CPQ: variants seen among roughly 807,000 people sequenced by gnomAD.
CPQ encodes carboxypeptidase Q, also known as Ser-Met dipeptidase.
CPQ carries 37 observed loss-of-function variants against 45.7 expected under a neutral mutation model. That is an observed-to-expected ratio of 0.81 (90% CI 0.62 to 1.07). The LOEUF is 1.07. Among genes scored for constraint, CPQ ranks in the 50% least tolerant of loss-of-function variants. The pLI is 0.00. For synonymous variants in CPQ, 186 were observed against 205.8 expected (o/e 0.90, Z 0.82); for missense variants, 537 against 572.9 (o/e 0.94, Z 0.64).
chr8:96,707,748 A>C (rs1251840573), intron 1 of CPQ, among the ~76,000 whole-genome samples: 1 of 152,050 alleles, frequency 6.6e-6, no homozygotes, highest in Non-Finnish European at 1.5e-5. Context: ...TCTGGGAGTC[A>C]GAAGTCCAAA....
chr8:97,032,036 C>T (rs780308995), intron 6 of CPQ, among the ~76,000 whole-genome samples: 1 of 152,104 alleles, frequency 6.6e-6, no homozygotes, highest in Non-Finnish European at 1.5e-5. Context: ...AAGTCACAAA[C>T]CACAAGGGTA....
intron 6 of CPQ, among the ~76,000 whole-genome samples, chr8:97,039,699 G>A (rs1027325962): frequency 6.7e-6 from 1 of 148,360 alleles, no homozygotes; most frequent in Non-Finnish European, 1.5e-5. Flanking sequence ...TGTTCTCATT[G>A]TTCAATTCCC....
intron 1 of CPQ, among the ~76,000 whole-genome samples, chr8:96,760,661 A>C (rs1446059931): frequency 6.6e-6 from 1 of 152,188 alleles, no homozygotes; most frequent in African/African-American, 2.4e-5. Context: ...AAGAGAACCC[A>C]AAGAGAAGAA....
intron 4 of CPQ, among the ~76,000 whole-genome samples, chr8:96,954,943 CT>C (rs1162218198): frequency 6.6e-6 from 1 of 152,136 alleles, no homozygotes; most frequent in African/African-American, 2.4e-5. Flanking sequence ...TTTTTTATGG[CT>C]GCATAGTATT....
chr8:97,071,841 A>G (rs1223880916), intron 7 of CPQ, among the ~76,000 whole-genome samples: 1 of 152,114 alleles, frequency 6.6e-6, no homozygotes, highest in Non-Finnish European at 1.5e-5. Context: ...TGGCCATTTG[A>G]CCACTTCAGG....
chr8:96,991,648 C>T (rs992764620), intron 5 of CPQ, among the ~76,000 whole-genome samples: 2 of 151,790 alleles, frequency 1.3e-5, no homozygotes, highest in African/African-American at 4.8e-5. Context: ...ACATTTCCTT[C>T]CCTGCTACAT....
At chr8:97,123,251 A>AAAAAT (rs1345950060) in intron 7 of CPQ, among the ~76,000 whole-genome samples, 7 of 144,786 alleles carry the variant, frequency 4.8e-5, no homozygotes, top group Non-Finnish European at 6.1e-5. Context: ...AAAATAAAAT[A>AAAAAT]AAAATAAAAT....
rs1161576263 is a variant in CPQ, at chr8:96,704,110, C to T, written c.-35+58708C>T. Among the ~76,000 whole-genome samples the T allele has an allele frequency of 4.6e-5, 7 of 152,094 alleles. No individual in the cohort carries two copies. In the South Asian group the frequency reaches 1.2e-3, roughly 27 times the overall value. On this transcript the variant is annotated intron_variant, in intron 1 of 7. Coordinates refer to ENST00000220763, the MANE Select transcript of CPQ (RefSeq NM_016134.4). ...TATAGCAGTAAGACAAAGCCCCTAC[C>T]CTTTGAAACTTATATTCCTTCAGGA... is the stretch of plus-strand genomic sequence containing the variant.
intron 2 of CPQ, among the ~76,000 whole-genome samples, chr8:96,803,296 G>A (rs1811032368): frequency 6.6e-6 from 1 of 152,158 alleles, no homozygotes; most frequent in South Asian, 2.1e-4. Context: ...CATTGGGGAG[G>A]GCCATTTGCT....
chr8:97,016,483 TAAAC>T (rs1224933059), intron 5 of CPQ, among the ~76,000 whole-genome samples: 1 of 152,190 alleles, frequency 6.6e-6, no homozygotes, highest in African/African-American at 2.4e-5. Context: ...GTCAATCAAA[TAAAC>T]AAACATTTAT....
At chr8:96,969,975 C>T (rs1813635213) in intron 5 of CPQ, among the ~76,000 whole-genome samples, 1 of 152,120 alleles carries the variant, frequency 6.6e-6, no homozygotes, top group African/African-American at 2.4e-5. Context: ...AGAATACAAC[C>T]ATGAAGACAG....
At chr8:97,114,200 A>G (rs540197129) in intron 7 of CPQ, among the ~76,000 whole-genome samples, 114 of 152,290 alleles carry the variant, frequency 7.5e-4, no homozygotes, top group African/African-American at 2.6e-3. Flanking sequence ...ATTATAGGAG[A>G]AGAGGAAACC....
intron 7 of CPQ, among the ~76,000 whole-genome samples, chr8:97,083,068 T>C (rs1387265625): frequency 6.6e-6 from 1 of 152,160 alleles, no homozygotes; most frequent in Non-Finnish European, 1.5e-5. Context: ...TTTTGACAAG[T>C]TACTTAACTT....
intron 2 of CPQ, among the ~76,000 whole-genome samples, chr8:96,802,704 G>C (rs1443434324): frequency 6.6e-6 from 1 of 152,128 alleles, no homozygotes; most frequent in Non-Finnish European, 1.5e-5. Context: ...TAAATGCATT[G>C]GATGTTCAAA....
intron 5 of CPQ, among the ~76,000 whole-genome samples, chr8:96,974,129 T>C (rs1188244334): frequency 1.3e-5 from 2 of 152,134 alleles, no homozygotes; most frequent in Non-Finnish European, 2.9e-5. Context: ...AGGAGACTAC[T>C]CTCACACATA....
In CPQ at chr8:96,862,963, G is replaced by A. The variant is rs376398523; in HGVS notation, c.642-16835G>A. The stretch of plus-strand genomic sequence containing the variant: ...ATATTGGAGGGATGAACTGGCAGGA[G>A]ACTGAGTCCCAAAGAACTTCATGGA... On this transcript the variant is annotated intron_variant, in intron 3 of 7. Coordinates refer to ENST00000220763, the MANE Select transcript of CPQ (RefSeq NM_016134.4). Among the ~76,000 whole-genome samples the A allele has an allele frequency of 1.2e-3, 177 of 152,140 alleles. 1 individual carries two copies. The highest frequency in any genetic ancestry group is 4.1e-3 in the African/African-American group (172 of 41,540).
chr8:96,932,242 C>T (rs1382157097), intron 4 of CPQ, among the ~76,000 whole-genome samples: 20 of 152,034 alleles, frequency 1.3e-4, no homozygotes, highest in Non-Finnish European at 1.5e-5. Context: ...GTATTTCCTG[C>T]TCTCTTCCCT....
At chr8:96,721,806 T>C (rs1809767535) in intron 1 of CPQ, among the ~76,000 whole-genome samples, 1 of 152,204 alleles carries the variant, frequency 6.6e-6, no homozygotes, top group African/African-American at 2.4e-5. Context: ...CTTGAACCTT[T>C]GTGCATGTCA....
intron 4 of CPQ, among the ~76,000 whole-genome samples, chr8:96,908,124 G>GTGTGTC (rs1314475318): frequency 2.6e-5 from 4 of 151,218 alleles, no homozygotes; most frequent in African/African-American, 9.7e-5. Flanking sequence ...GTGTGTGTGT[G>GTGTGTC]TGTGTGTGTG....
Sources: gnomAD v4.1 joint callset for allele counts (sites outside exome capture counted in the v4.1 genomes callset) on GRCh38, gnomAD v4.1.1 for gene constraint, MANE v1.5 for transcripts, NCBI Gene and HGNC (gene_info 2026-07-23, HGNC 2026-07-21) for gene names.